Variants in LRRC69 observed in about 807,000 individuals in gnomAD.
LRRC69 encodes the protein leucine-rich repeat-containing protein 69.
In LRRC69, 42 loss-of-function variants were observed where a neutral mutation model predicts 37.8. The ratio of observed to expected loss-of-function variants is 1.11; its 90% CI spans 0.87 to 1.44. LRRC69 has a LOEUF of 1.44. Ranked by LOEUF, LRRC69 falls within the 40% of genes most tolerant of loss-of-function variation. The pLI is 0.00. For synonymous variants in LRRC69, 141 were observed against 143.1 expected (o/e 0.99, Z 0.11); for missense variants, 357 against 401.9 (o/e 0.89, Z 0.96).
chr8:91,135,788 C>A, intron 5 of LRRC69, 49 bp downstream of exon 5: 3 of 1,071,038 alleles, frequency 2.8e-6, no homozygotes, highest in Non-Finnish European at 2.5e-6. Flanking sequence ...TTTGTTTATG[C>A]TATTGGGAAT....
At chr8:91,141,689 G>A (rs1482605394) in intron 5 of LRRC69, among the ~76,000 whole-genome samples, 1 of 152,010 alleles carries the variant, frequency 6.6e-6, no homozygotes, top group Non-Finnish European at 1.5e-5. Context: ...GGAACCTGGA[G>A]ATATCATAAG....
At chr8:91,171,160 A>G (rs1488025834) in intron 5 of LRRC69, among the ~76,000 whole-genome samples, 1 of 152,028 alleles carries the variant, frequency 6.6e-6, no homozygotes, top group Middle Eastern at 3.2e-3. Context: ...TATGAAAAAA[A>G]GAATTTGGGT....
chr8:91,158,761 A>G (rs1808884461), intron 5 of LRRC69: 4 of 835,236 alleles, frequency 4.8e-6, no homozygotes, highest in Non-Finnish European at 8.4e-6. Context: ...TGAATGAAAT[A>G]CATTGGTGAT....
intron 5 of LRRC69, among the ~76,000 whole-genome samples, chr8:91,167,788 A>T (rs1809055536): frequency 6.6e-6 from 1 of 151,916 alleles, no homozygotes; most frequent in Non-Finnish European, 1.5e-5. Flanking sequence ...CACACCAGTG[A>T]TAGTAGCCTT....
chr8:91,118,790 G>A (rs987916931), intron 1 of LRRC69, among the ~76,000 whole-genome samples: 8 of 152,026 alleles, frequency 5.3e-5, no homozygotes, highest in Admixed American at 3.9e-4. Context: ...ACACATAACC[G>A]TAGAGAATGT....
At chr8:91,151,906 C>CT (rs989260792) in intron 5 of LRRC69, among the ~76,000 whole-genome samples, 11 of 150,278 alleles carry the variant, frequency 7.3e-5, no homozygotes, top group Non-Finnish European at 1.3e-4. Flanking sequence ...TGATGTTGAG[C>CT]TTTTTTTTTC....
intron 1 of LRRC69, among the ~76,000 whole-genome samples, chr8:91,114,729 G>C (rs1813478115): frequency 6.6e-6 from 1 of 151,970 alleles, no homozygotes; most frequent in Non-Finnish European, 1.5e-5. Context: ...CAGGTGCATA[G>C]TAGGCTTATA....
intron 5 of LRRC69, among the ~76,000 whole-genome samples, chr8:91,136,967 T>A (rs1334438492): frequency 1.3e-5 from 2 of 152,190 alleles, no homozygotes; most frequent in East Asian, 3.9e-4. Context: ...TCTGCCCACC[T>A]GTGGGACCTT....
chr8:91,133,721 A>G (rs900085034), intron 4 of LRRC69, among the ~76,000 whole-genome samples: 1 of 151,946 alleles, frequency 6.6e-6, no homozygotes, highest in Non-Finnish European at 1.5e-5. Context: ...TGCAACCTCC[A>G]CATCCCGGGT....
chr8:91,157,874 T>G, intron 5 of LRRC69: 1 of 1,599,988 alleles, frequency 6.3e-7, no homozygotes, highest in Non-Finnish European at 8.6e-7. Flanking sequence ...AAATGCATTT[T>G]TAGATAAGGG....
At chr8:91,110,427 G>C (rs1813389569) in intron 1 of LRRC69, among the ~76,000 whole-genome samples, 1 of 151,988 alleles carries the variant, frequency 6.6e-6, no homozygotes, top group Non-Finnish European at 1.5e-5. Context: ...ATCACCTGAG[G>C]TCAGAAGTTT....
At chr8:91,109,759 G>C (rs961362170) in intron 1 of LRRC69, among the ~76,000 whole-genome samples, 1 of 152,004 alleles carries the variant, frequency 6.6e-6, no homozygotes, top group African/African-American at 2.4e-5. Context: ...TAACATGCTG[G>C]CCATGGAAAC....
At position 91,168,736 on chromosome 8, in the gene LRRC69, GTT is replaced by G. The variant is rs10707830; in HGVS notation, c.652-20778_652-20777del. ...TGTTGTCTGTTTTTTTGTGTTTTGT[GTT>G]TTTTTTTGCAATTAATATAGCAAGC... is the stretch of plus-strand genomic sequence containing the variant. On this transcript the variant is annotated intron_variant, in intron 5 of 7. Coordinates refer to ENST00000448384, the Ensembl canonical transcript of LRRC69. Among the ~76,000 whole-genome samples, 7 of 150,754 alleles carry G rather than the reference GTT, an allele frequency of 4.6e-5. No individual in the cohort carries two copies. In the South Asian group the frequency reaches 1.3e-3, roughly 27 times the overall value.
At chr8:91,211,470 C>T (rs1487543227) in intron 7 of LRRC69, among the ~76,000 whole-genome samples, 1 of 150,768 alleles carries the variant, frequency 6.6e-6, no homozygotes, top group Non-Finnish European at 1.5e-5. Context: ...TCCTTGTTTC[C>T]AGAGTTGAAA....
chr8:91,181,311 T>G (rs1325817226), intron 5 of LRRC69, among the ~76,000 whole-genome samples: 1 of 152,154 alleles, frequency 6.6e-6, no homozygotes, highest in African/African-American at 2.4e-5. Context: ...TGAACACATT[T>G]AGGCTATGAA....
intron 5 of LRRC69, among the ~76,000 whole-genome samples, chr8:91,177,368 T>A (rs1809250167): frequency 6.6e-6 from 1 of 152,200 alleles, no homozygotes; most frequent in African/African-American, 2.4e-5. Flanking sequence ...TTTCATCTCA[T>A]CTGATTCTTA....
At chr8:91,150,212 G>A (rs962488122) in intron 5 of LRRC69, among the ~76,000 whole-genome samples, 2 of 151,896 alleles carry the variant, frequency 1.3e-5, no homozygotes, top group African/African-American at 4.8e-5. Flanking sequence ...TATGATATTG[G>A]CTGTGGGTTT....
intron 5 of LRRC69, among the ~76,000 whole-genome samples, chr8:91,171,227 T>C (rs1175594272): frequency 6.6e-6 from 1 of 152,034 alleles, no homozygotes; most frequent in Non-Finnish European, 1.5e-5. Context: ...ATTGTTTCCC[T>C]TCACCCAGGA....
intron 5 of LRRC69, chr8:91,157,247 G>A: frequency 7.1e-7 from 1 of 1,407,246 alleles, no homozygotes; most frequent in South Asian, 1.2e-5. Context: ...ACATTAGAAA[G>A]CACACTTCAC....
Sources: gnomAD v4.1 joint callset for allele counts (sites outside exome capture counted in the v4.1 genomes callset) on GRCh38, gnomAD v4.1.1 for gene constraint, MANE v1.5 for transcripts, NCBI Gene and HGNC (gene_info 2026-07-23, HGNC 2026-07-21) for gene names.